EYS: variants seen among roughly 807,000 people sequenced by gnomAD.
EYS encodes the protein protein eyes shut homolog.
In EYS, 250 loss-of-function variants were observed where a neutral mutation model predicts 282.1. The observed-to-expected ratio is 0.89, with a 90% CI of 0.80 to 0.98. The LOEUF (loss-of-function observed/expected upper bound fraction) is 0.98. Ranked by LOEUF, EYS falls within the 50% of genes least tolerant of loss-of-function variation. The probability of loss-of-function intolerance (pLI) is 0.00; values close to 1 mark genes in which losing one functional copy is unlikely to be tolerated. For synonymous variants in EYS, 1,355 were observed against 1,282.9 expected (o/e 1.06, Z -1.20); for missense variants, 4,016 against 3,709.0 (o/e 1.08, Z -2.15).
intron 35 of EYS, among the ~76,000 whole-genome samples, chr6:63,919,832 C>T (rs1385051131): frequency 6.6e-6 from 1 of 152,226 alleles, no homozygotes; most frequent in South Asian, 2.1e-4. Flanking sequence ...TTGTGTGCTG[C>T]AGCAGCAGTT....
intron 28 of EYS, among the ~76,000 whole-genome samples, chr6:64,415,290 C>CT (rs1301703621): frequency 1.3e-5 from 2 of 152,142 alleles, no homozygotes; most frequent in African/African-American, 4.8e-5. Context: ...CAACATAGGC[C>CT]TTATGTCTTT....
In EYS at chr6:65,584,897, TTA is replaced by T. The variant is rs386407368; in HGVS notation, c.-333+54879_-333+54880del. 1.2e-3 allele frequency among the ~76,000 whole-genome samples: 106 copies of T among 89,682 alleles called. 1 individual carries two copies. The highest frequency in any genetic ancestry group is 7.4e-3 in the South Asian group (20 of 2,720). The allele number at this position is 89,682 out of a possible 152,430, so 58.8% of individuals were successfully genotyped here. On this transcript the variant is annotated intron_variant, in intron 2 of 42. Coordinates refer to ENST00000503581, the MANE Select transcript of EYS (RefSeq NM_001142800.2). ...TAGCACTATGGGAATATTATATATATTATATATATATATAACATTTTTCATCT... is the reference window on the plus strand; with the variant it reads ...TAGCACTATGGGAATATTATATATATTATATATATATAACATTTTTCATCT...
intron 5 of EYS, among the ~76,000 whole-genome samples, chr6:65,487,343 A>G (rs6455043): frequency 0.38 from 57,827 of 151,944 alleles, 11,164 homozygotes; most frequent in Middle Eastern, 0.49. Flanking sequence ...GTTGACATAC[A>G]TTCCATCGAT....
rs76554303 is a variant in EYS, at chr6:65,402,902, T to C, written c.1057-297A>G. On this transcript the variant is annotated intron_variant, in intron 6 of 42. Transcript: ENST00000503581. The stretch of plus-strand genomic sequence containing the variant: ...AGACAATGATGCTTTAAAGGCCATA[T>C]AGATTCTATCTAATTATCTTAGAAT... Among the ~76,000 whole-genome samples, 520 of 152,204 alleles carry C rather than the reference T, an allele frequency of 3.4e-3. 4 individuals are homozygous for C. Among genetic ancestry groups the C allele is most frequent in the African/African-American group, 0.012 (505 of 41,560 alleles).
intron 10 of EYS, among the ~76,000 whole-genome samples, chr6:65,343,478 A>T (rs1770273519): frequency 6.6e-6 from 1 of 151,366 alleles, no homozygotes. Flanking sequence ...ATTGTTACAT[A>T]TTAAAAAATA....
At chr6:64,445,098 T>C (rs1775077054) in intron 26 of EYS, among the ~76,000 whole-genome samples, 1 of 152,212 alleles carries the variant, frequency 6.6e-6, no homozygotes, top group African/African-American at 2.4e-5. Context: ...TTGCTTTTGT[T>C]TAAATGTGCT....
chr6:64,477,461 C>G (rs184413043), intron 26 of EYS, among the ~76,000 whole-genome samples: 21 of 152,162 alleles, frequency 1.4e-4, no homozygotes, highest in Non-Finnish European at 7.4e-5. Context: ...GTGCTGTGGT[C>G]AGTAAATAAT....
At chr6:64,718,514 T>C (rs950108243) in intron 22 of EYS, among the ~76,000 whole-genome samples, 2 of 152,216 alleles carry the variant, frequency 1.3e-5, no homozygotes, top group Non-Finnish European at 2.9e-5. Context: ...CTTATCAGTT[T>C]ATCATTTTTT....
intron 19 of EYS, among the ~76,000 whole-genome samples, chr6:64,850,416 A>G (rs1765844918): frequency 6.6e-6 from 1 of 152,110 alleles, no homozygotes. Context: ...ACAAAAATAC[A>G]TGACCCCCAT....
At chr6:64,353,600 G>T (rs1199648274) in intron 29 of EYS, among the ~76,000 whole-genome samples, 2 of 151,638 alleles carry the variant, frequency 1.3e-5, no homozygotes, top group Non-Finnish European at 3.0e-5. Context: ...TATGGATAAA[G>T]GCGTTTAGGT....
chr6:63,965,247 G>T (rs191841521), intron 35 of EYS, among the ~76,000 whole-genome samples: 23 of 152,144 alleles, frequency 1.5e-4, no homozygotes, highest in Admixed American at 3.9e-4. Context: ...AGATACTATC[G>T]ATAAGCTTTG....
At chr6:64,773,534 T>C (rs1241767362) in intron 22 of EYS, among the ~76,000 whole-genome samples, 1 of 151,926 alleles carries the variant, frequency 6.6e-6, no homozygotes, top group Non-Finnish European at 1.5e-5. Flanking sequence ...TGTTTTAAGC[T>C]CTCTGAGAAA....
intron 7 of EYS, among the ~76,000 whole-genome samples, chr6:65,393,478 T>G (rs1766139593): frequency 6.6e-6 from 1 of 152,214 alleles, no homozygotes; most frequent in Admixed American, 6.5e-5. Flanking sequence ...AATACATTCC[T>G]CATGCAAATA....
intron 12 of EYS, among the ~76,000 whole-genome samples, chr6:65,130,165 A>C (rs891771432): frequency 6.6e-5 from 10 of 151,782 alleles, no homozygotes; most frequent in African/African-American, 2.4e-4. Context: ...TAGAGGAGGG[A>C]AAGAGAGGAG....
intron 29 of EYS, among the ~76,000 whole-genome samples, chr6:64,354,980 G>C (rs924791954): frequency 1.5e-4 from 22 of 151,398 alleles, no homozygotes; most frequent in African/African-American, 5.3e-4. Context: ...CCTTACAATT[G>C]TTTCTGTAGC....
chr6:64,711,592 C>T (rs893468269), intron 22 of EYS, among the ~76,000 whole-genome samples: 11 of 152,104 alleles, frequency 7.2e-5, no homozygotes, highest in African/African-American at 1.4e-4. Context: ...TATAATGAAT[C>T]GGCTCATTCT....
rs899078148 is a variant in EYS at position 63,864,338 on chromosome 6, C to T, written c.7076G>A (p.Cys2359Tyr). ...TCISDNENLFCECPRLYSGKL... is the reference protein window; with the variant it reads ...TCISDNENLFYECPRLYSGKL... Reference sequence around the variant, plus strand: ...GCCTGAATACAGCCTTGGACACTCACAAAACAGATTTTCATTATCACTGAG... The same window carrying T: ...GCCTGAATACAGCCTTGGACACTCATAAAACAGATTTTCATTATCACTGAG... Residue 2359 changes from cysteine (C) to tyrosine (Y), a missense_variant, in exon 36 of 43, where the codon TGT becomes TAT. Physicochemically the swap from Cys to Tyr is radical, Grantham distance 194. Transcript: ENST00000503581. The T allele has an allele frequency of 1.9e-6, 3 of 1,550,158 alleles. No homozygotes were observed. Among genetic ancestry groups the T allele is most frequent in the Non-Finnish European group, 2.6e-6 (3 of 1,146,346 alleles).
intron 11 of EYS, among the ~76,000 whole-genome samples, chr6:65,325,063 C>A (rs1769582336): frequency 6.6e-6 from 1 of 152,180 alleles, no homozygotes; most frequent in African/African-American, 2.4e-5. Flanking sequence ...CACAGGTACA[C>A]CCCCAGGCAG....
chr6:64,012,350 G>A (rs1183886270), intron 33 of EYS, among the ~76,000 whole-genome samples: 1 of 152,162 alleles, frequency 6.6e-6, no homozygotes, highest in Non-Finnish European at 1.5e-5. Context: ...TCAGCCAGAA[G>A]TTTTAGCTGA....
Sources: gnomAD v4.1 joint callset for allele counts (sites outside exome capture counted in the v4.1 genomes callset) on GRCh38, gnomAD v4.1.1 for gene constraint, MANE v1.5 for transcripts, NCBI Gene and HGNC (gene_info 2026-07-23, HGNC 2026-07-21) for gene names.